The following NFIC variants were observed in gnomAD, a reference collection of about 807,000 sequenced individuals.
The protein encoded by NFIC is nuclear factor I C, also known as nuclear factor 1 C-type.
NFIC carries 12 observed loss-of-function variants against 54.4 expected under a neutral mutation model. The ratio of observed to expected loss-of-function variants is 0.22; its 90% CI spans 0.14 to 0.36. The LOEUF is 0.36. Among genes scored for constraint, NFIC ranks in the 10% least tolerant of loss-of-function variants. The probability of loss-of-function intolerance (pLI) is 1.00; values close to 1 mark genes in which losing one functional copy is unlikely to be tolerated. For synonymous variants in NFIC, 322 were observed against 319.2 expected (o/e 1.01, Z -0.09); for missense variants, 575 against 718.2 (o/e 0.80, Z 2.28).
intron 6 of NFIC, among the ~76,000 whole-genome samples, chr19:3,444,955 A>C (rs1228507818): frequency 6.6e-6 from 1 of 152,210 alleles, no homozygotes; most frequent in African/African-American, 2.4e-5. Flanking sequence ...ATGTGCAGGC[A>C]TACACATACA....
chr19:3,463,584 C>CT lies in NFIC; in HGVS notation c.*815_*816insT. 1 of 985,202 alleles carries CT rather than the reference C, an allele frequency of 1.0e-6. No homozygotes were observed. The highest frequency in any genetic ancestry group is 1.2e-6 in the Non-Finnish European group (1 of 829,834). 61.0% of individuals were successfully genotyped at this position (985,202 alleles called of 1,614,324 possible). ...GACTCTTTCAGCCCTCGCGCCCGCCCGTTTGGGAGGAGAAGTCTCTATGCA... is the reference window on the plus strand; with the variant it reads ...GACTCTTTCAGCCCTCGCGCCCGCCCTGTTTGGGAGGAGAAGTCTCTATGCA... On this transcript the variant is annotated 3_prime_UTR_variant, in exon 11 of 11. Transcript: ENST00000443272.
At chr19:3,437,105 C>T (rs1033328765) in intron 6 of NFIC, among the ~76,000 whole-genome samples, 20 of 152,064 alleles carry the variant, frequency 1.3e-4, no homozygotes, top group Admixed American at 7.9e-4. Context: ...CGGTGGCTCA[C>T]GCCTGTAATC....
chr19:3,440,181 C>CT (rs1555680353), intron 6 of NFIC, among the ~76,000 whole-genome samples: 2 of 152,090 alleles, frequency 1.3e-5, no homozygotes, highest in Non-Finnish European at 2.9e-5. Flanking sequence ...AGGAGTTGCA[C>CT]TGTGGATGTT....
At chr19:3,419,281 A>G (rs1053057033) in intron 2 of NFIC, among the ~76,000 whole-genome samples, 2 of 152,146 alleles carry the variant, frequency 1.3e-5, no homozygotes, top group Non-Finnish European at 2.9e-5. Flanking sequence ...TTAAAATGAG[A>G]TGGCATAGAT....
rs1040260220 is a variant in NFIC at position 3,469,025 on chromosome 19, G to A, written c.*6256G>A. The A allele has an allele frequency of 2.7e-5, 4 of 148,584 alleles. No individual in the cohort carries two copies. The highest frequency in any genetic ancestry group is 2.1e-4 in the South Asian group (1 of 4,782). 9.2% of individuals were successfully genotyped at this position (148,584 alleles called of 1,614,324 possible). A position where few individuals can be genotyped will look rare whatever the true frequency, so the allele number is the denominator to read the frequency against. ...ATTACGCAGTCATTTTGGTTTTCGC[G>A]GACGCGCCTACCTAAGTACCATTTA... On this transcript the variant is annotated 3_prime_UTR_variant, in exon 11 of 11. Transcript: ENST00000443272.
chr19:3,392,037 G>C (rs887630033), intron 2 of NFIC, among the ~76,000 whole-genome samples: 4 of 150,204 alleles, frequency 2.7e-5, no homozygotes, highest in African/African-American at 9.8e-5. Flanking sequence ...AGCATAGGGG[G>C]TGCCTAGCAA....
rs140196051 is a variant in NFIC, at chr19:3,413,400, T to A, written c.563-11706T>A. ...ACAGAATCAAAATTACAGCAAAGGC[T>A]CAACTGTGAGATGCCAGGGTGGCTG... is the stretch of plus-strand genomic sequence containing the variant. On this transcript the variant is annotated intron_variant, in intron 2 of 10. Transcript: ENST00000443272. 5.1e-3 allele frequency among the ~76,000 whole-genome samples: 770 copies of A among 152,108 alleles called. 4 individuals are homozygous for A. Among genetic ancestry groups the A allele is most frequent in the African/African-American group, 0.017 (716 of 41,498 alleles).
rs376150340 is a variant in NFIC at position 3,382,303 on chromosome 19, C to T, written c.562+60C>T. On this transcript the variant is annotated intron_variant, in intron 2 of 10. Coordinates refer to ENST00000443272, the MANE Select transcript of NFIC (RefSeq NM_001245002.2). ...GGGAGGGTGTCTGATGGTGGTGACA[C>T]GGGGCCAGGAGGGCCTGAGGGAGGA... The T allele has an allele frequency of 2.2e-5, 34 of 1,563,156 alleles. 1 individual carries two copies. The African/African-American group carries it at 3.5e-4, about 16-fold the overall frequency.
rs1414465115 is a variant in NFIC, at chr19:3,456,530, G to T, written c.1424-20G>T. 2 of 1,550,604 alleles carry T rather than the reference G, an allele frequency of 1.3e-6. No homozygotes were observed. The highest frequency in any genetic ancestry group is 1.7e-6 in the Non-Finnish European group (2 of 1,146,314). ...CACAACCCCTCGCTAACGGGCTCTC[G>T]GTCTCTCTCCTCCCTGCAGCCTACT... On this transcript the variant is annotated intron_variant, in intron 9 of 10. Coordinates refer to ENST00000443272, the MANE Select transcript of NFIC (RefSeq NM_001245002.2).
In NFIC at chr19:3,366,673, TCCTCGCCCGGCCCCCCGCCGGCGC is replaced by T; in HGVS notation, c.30+10_30+33del. Reference sequence around the variant, plus strand: ...CCCGCTCTGCCTCACCCAGGTACGGTCCTCGCCCGGCCCCCCGCCGGCGCCCCCGCGCCCCCCGCATCCCAGCCC... The same window carrying T: ...CCCGCTCTGCCTCACCCAGGTACGGTCCCCGCGCCCCCCGCATCCCAGCCC... On this transcript the variant is annotated splice_region_variant and intron_variant, in intron 1 of 10. Transcript: ENST00000443272. The T allele has an allele frequency of 7.0e-7, 1 of 1,419,242 alleles. No homozygotes were observed. Among genetic ancestry groups the T allele is most frequent in the Non-Finnish European group, 9.2e-7 (1 of 1,083,840 alleles). The allele number at this position is 1,419,242 out of a possible 1,614,324, so 87.9% of individuals were successfully genotyped here. A position where few individuals can be genotyped will look rare whatever the true frequency, so the allele number is the denominator to read the frequency against.
intron 9 of NFIC, among the ~76,000 whole-genome samples, chr19:3,456,125 C>T (rs1254742816): frequency 6.6e-6 from 1 of 152,244 alleles, no homozygotes; most frequent in East Asian, 1.9e-4. Flanking sequence ...CCCAGCCCTC[C>T]CTCTGCCCTC....
intron 6 of NFIC, among the ~76,000 whole-genome samples, chr19:3,448,134 G>A (rs750695349): frequency 1.3e-5 from 2 of 152,008 alleles, no homozygotes; most frequent in Non-Finnish European, 2.9e-5. Context: ...GTGTAGTGGC[G>A]TGATCTCAGC....
chr19:3,447,056 T>C (rs1413795332), intron 6 of NFIC, among the ~76,000 whole-genome samples: 2 of 151,990 alleles, frequency 1.3e-5, no homozygotes, highest in Non-Finnish European at 2.9e-5. Flanking sequence ...CCCAGCACTT[T>C]GGGAGGCCGA....
intron 2 of NFIC, among the ~76,000 whole-genome samples, chr19:3,421,128 G>A (rs1273061625): frequency 2.0e-5 from 3 of 152,242 alleles, no homozygotes; most frequent in South Asian, 2.1e-4. Context: ...GGATGCATCC[G>A]AGGCCCCGCT....
chr19:3,393,401 C>T (rs116642707), intron 2 of NFIC, among the ~76,000 whole-genome samples: 263 of 152,182 alleles, frequency 1.7e-3, no homozygotes, highest in African/African-American at 6.1e-3. Flanking sequence ...CTAGATTCTC[C>T]AGGGCATGAG....
chr19:3,368,941 GTGTGTGTC>G (rs1269477573), intron 1 of NFIC, among the ~76,000 whole-genome samples: 3 of 147,616 alleles, frequency 2.0e-5, no homozygotes, highest in African/African-American at 7.6e-5. Context: ...GTGTGTGTGT[GTGTGTGTC>G]TGTTTCTCCC....
intron 2 of NFIC, among the ~76,000 whole-genome samples, chr19:3,389,844 C>T (rs1256573202): frequency 1.3e-5 from 2 of 152,082 alleles, no homozygotes; most frequent in African/African-American, 2.4e-5. Flanking sequence ...ATTAGCCAGG[C>T]GTGGTGGTGC....
intron 2 of NFIC, among the ~76,000 whole-genome samples, chr19:3,394,523 A>ACCCCCCCCC (rs1387633539): frequency 3.9e-5 from 2 of 51,180 alleles, no homozygotes; most frequent in African/African-American, 2.6e-4. Flanking sequence ...TTCCCCACCC[A>ACCCCCCCCC]CCCCCCACCC....
Position 3,463,636 on chromosome 19 carries a change from C to T in NFIC, c.*867C>T, listed in dbSNP as rs1001586768. The stretch of plus-strand genomic sequence containing the variant: ...TTGGCCCCGGCCCCTCCACCCCCCA[C>T]CCCCGGCATAGGAGGCCCCCCCACC... On this transcript the variant is annotated 3_prime_UTR_variant, in exon 11 of 11. Transcript: ENST00000443272. 3 of 981,376 alleles carry T rather than the reference C, an allele frequency of 3.1e-6. No homozygotes were observed. The highest frequency in any genetic ancestry group is 3.5e-5 in the African/African-American group (2 of 56,752). 60.8% of individuals were successfully genotyped at this position (981,376 alleles called of 1,614,324 possible).
Sources: allele counts gnomAD v4.1 joint callset (sites outside exome capture counted in the v4.1 genomes callset), GRCh38; gene constraint gnomAD v4.1.1; transcripts MANE v1.5; gene names NCBI Gene and HGNC (gene_info 2026-07-23, HGNC 2026-07-21).